The following PREP variants were observed in gnomAD, a reference collection of about 807,000 sequenced individuals.
PREP encodes dJ355L5.1 (prolyl endopeptidase).
Under a neutral mutation model 87.6 loss-of-function variants are expected in PREP, and 29 were observed. The observed-to-expected ratio is 0.33, with a 90% confidence interval of 0.25 to 0.45. The LOEUF is 0.45. Ranked by LOEUF, PREP falls within the 20% of genes least tolerant of loss-of-function variation. The pLI, the probability that PREP is intolerant of heterozygous loss-of-function variation, is 1.00. For synonymous variants in PREP, 337 were observed against 328.6 expected (o/e 1.03, Z -0.28); for missense variants, 695 against 886.5 (o/e 0.78, Z 2.74).
intron 10 of PREP, chr6:105,322,886 A>C: frequency 8.5e-7 from 1 of 1,180,510 alleles, no homozygotes; most frequent in Non-Finnish European, 1.1e-6. Flanking sequence ...GTTTCACAGA[A>C]ACATTGTGGG....
chr6:105,391,962 G>A (rs1418995695), intron 2 of PREP, among the ~76,000 whole-genome samples: 1 of 151,828 alleles, frequency 6.6e-6, no homozygotes, highest in Non-Finnish European at 1.5e-5. Flanking sequence ...CCTTCTCCAA[G>A]TTACAAAGGA....
chr6:105,286,446 C>T (rs1366835368), intron 11 of PREP, among the ~76,000 whole-genome samples: 3 of 152,168 alleles, frequency 2.0e-5, no homozygotes, highest in Admixed American at 6.5e-5. Context: ...GCAGAAGAAA[C>T]TATAGCACAA....
chr6:105,347,545 A>T lies in PREP; in HGVS notation c.823+5427T>A, dbSNP rs570579936. On this transcript the variant is annotated intron_variant, in intron 7 of 14. Coordinates refer to ENST00000652536, the MANE Select transcript of PREP (RefSeq NM_002726.5). ...TATTTAGAAATGTATCCCTGAGTTAAATGTATTTATATTTTTAAGGCAGAA... is the reference window on the plus strand; with the variant it reads ...TATTTAGAAATGTATCCCTGAGTTATATGTATTTATATTTTTAAGGCAGAA... 5.4e-4 allele frequency among the ~76,000 whole-genome samples: 82 copies of T among 152,276 alleles called. 3 individuals carry two copies. The South Asian group carries it at 0.016, about 30-fold the overall frequency.
intron 10 of PREP, among the ~76,000 whole-genome samples, chr6:105,321,295 T>C (rs1203734948): frequency 1.3e-5 from 2 of 152,232 alleles, no homozygotes; most frequent in Non-Finnish European, 2.9e-5. Flanking sequence ...AGTCTTTTTA[T>C]TCCTCCTATT....
At position 105,276,071 on chromosome 6, in the gene PREP, T is replaced by A. The variant is rs17065717; in HGVS notation, c.*2073A>T. ...CAGGATACAGAAAAGTGGGATCAAATAGAGAAGAATCCCTTAGAGTTCTGG... is the reference window on the plus strand; with the variant it reads ...CAGGATACAGAAAAGTGGGATCAAAAAGAGAAGAATCCCTTAGAGTTCTGG... On this transcript the variant is annotated 3_prime_UTR_variant, in exon 15 of 15. Coordinates refer to ENST00000652536, the MANE Select transcript of PREP (RefSeq NM_002726.5). Among the ~76,000 whole-genome samples the A allele has an allele frequency of 0.017, 2,663 of 152,272 alleles. 71 individuals carry two copies. Among genetic ancestry groups the A allele is most frequent in the African/African-American group, 0.061 (2,551 of 41,546 alleles).
intron 6 of PREP, among the ~76,000 whole-genome samples, chr6:105,367,497 C>A (rs893290846): frequency 1.3e-5 from 2 of 152,018 alleles, no homozygotes; most frequent in Non-Finnish European, 2.9e-5. Context: ...AACGGTGAAA[C>A]CCCGTCTCTA....
At chr6:105,358,122 T>C (rs527318243) in intron 6 of PREP, among the ~76,000 whole-genome samples, 1 of 152,134 alleles carries the variant, frequency 6.6e-6, no homozygotes, top group Non-Finnish European at 1.5e-5. Flanking sequence ...CTATATTATT[T>C]TAAACAAATT....
intron 7 of PREP, among the ~76,000 whole-genome samples, chr6:105,343,657 C>T (rs1293659245): frequency 6.7e-6 from 1 of 148,486 alleles, no homozygotes; most frequent in African/African-American, 2.6e-5. Flanking sequence ...CTAGAATCTA[C>T]AAAGAACTTA....
At chr6:105,397,954 ATAAT>A (rs1355422137) in intron 1 of PREP, 27 bp from the exon 2 acceptor site, 1 of 1,493,016 alleles carries the variant, frequency 6.7e-7, no homozygotes, top group Non-Finnish European at 9.3e-7. Flanking sequence ...GAGGTATTAG[ATAAT>A]TACTCTCTAA....
chr6:105,276,088 G>C lies in PREP; in HGVS notation c.*2056C>G, dbSNP rs1490067177. Among the ~76,000 whole-genome samples the C allele has an allele frequency of 5.3e-5, 8 of 152,232 alleles. No homozygotes were observed. Among genetic ancestry groups the C allele is most frequent in the African/African-American group, 1.9e-4 (8 of 41,468 alleles). On this transcript the variant is annotated 3_prime_UTR_variant, in exon 15 of 15. Transcript: ENST00000652536. Reference sequence around the variant, plus strand: ...GGATCAAATAGAGAAGAATCCCTTAGAGTTCTGGGTAGGAGCCCAATCTCA... The same window carrying C: ...GGATCAAATAGAGAAGAATCCCTTACAGTTCTGGGTAGGAGCCCAATCTCA...
chr6:105,354,590 A>T (rs77541038), intron 6 of PREP, among the ~76,000 whole-genome samples: 1 of 151,870 alleles, frequency 6.6e-6, no homozygotes, highest in Non-Finnish European at 1.5e-5. Context: ...ACCACCCTCC[A>T]TAATGTGGGT....
chr6:105,306,358 C>T (rs1010724008), intron 10 of PREP, among the ~76,000 whole-genome samples: 1 of 151,696 alleles, frequency 6.6e-6, no homozygotes, highest in African/African-American at 2.4e-5. Flanking sequence ...AGTGCAAGAA[C>T]GTTCATTCAG....
At chr6:105,295,878 C>T (rs557795338) in intron 10 of PREP, among the ~76,000 whole-genome samples, 10 of 152,320 alleles carry the variant, frequency 6.6e-5, no homozygotes, top group Admixed American at 5.9e-4. Flanking sequence ...GATGCACACA[C>T]ATTTAACCAT....
chr6:105,288,156 A>T (rs1770225251), intron 11 of PREP, among the ~76,000 whole-genome samples: 1 of 152,216 alleles, frequency 6.6e-6, no homozygotes, highest in African/African-American at 2.4e-5. Context: ...GCTTCCTTTA[A>T]GACCTTGATT....
intron 8 of PREP, among the ~76,000 whole-genome samples, chr6:105,332,096 C>G (rs889450235): frequency 6.6e-6 from 1 of 152,158 alleles, no homozygotes; most frequent in African/African-American, 2.4e-5. Flanking sequence ...TCCAACAGAA[C>G]TGCCTACAGG....
At position 105,276,858 on chromosome 6, in the gene PREP, A is replaced by G. The variant is rs1034257992; in HGVS notation, c.*1286T>C. 2.0e-5 allele frequency among the ~76,000 whole-genome samples: 3 copies of G among 152,218 alleles called. No homozygotes were observed. Among genetic ancestry groups the G allele is most frequent in the African/African-American group, 7.2e-5 (3 of 41,458 alleles). On this transcript the variant is annotated 3_prime_UTR_variant, in exon 15 of 15. Transcript: ENST00000652536. ...AGAGAGTGCTCTTAAAAGCACATAC[A>G]TATACAACTTGGAAGATGGGACTTA...
chr6:105,321,884 C>T lies in PREP; in HGVS notation c.1317+1781G>A, dbSNP rs548956562. Among the ~76,000 whole-genome samples the T allele has an allele frequency of 3.7e-4, 57 of 152,208 alleles. 1 individual carries two copies. Among genetic ancestry groups the T allele is most frequent in the Admixed American group, 1.1e-3 (17 of 15,302 alleles). On this transcript the variant is annotated intron_variant, in intron 10 of 14. Coordinates refer to ENST00000652536, the MANE Select transcript of PREP (RefSeq NM_002726.5). ...GGATCTCTCTCGTGCAACCCTACCC[C>T]GTCCTACCTAGGGCAGCTGAGAGTG... is the stretch of plus-strand genomic sequence containing the variant.
intron 10 of PREP, among the ~76,000 whole-genome samples, chr6:105,312,955 G>A (rs1405102529): frequency 1.3e-5 from 2 of 152,076 alleles, no homozygotes; most frequent in African/African-American, 2.4e-5. Flanking sequence ...CAATGACAAG[G>A]AACTTGCATG....
chr6:105,328,339 C>T (rs7775618), intron 9 of PREP, among the ~76,000 whole-genome samples: 4,413 of 151,662 alleles, frequency 0.029, 200 homozygotes, highest in African/African-American at 0.092. Context: ...CTCACTGCAA[C>T]CTCCACCTCC....
Sources: gnomAD v4.1 joint callset for allele counts (sites outside exome capture counted in the v4.1 genomes callset) on GRCh38, gnomAD v4.1.1 for gene constraint, MANE v1.5 for transcripts, NCBI Gene and HGNC (gene_info 2026-07-23, HGNC 2026-07-21) for gene names.